The following NAALADL2 variants were observed in gnomAD, a reference collection of about 807,000 sequenced individuals.
NAALADL2 encodes the protein inactive N-acetylated-alpha-linked acidic dipeptidase-like protein 2.
A neutral mutation model predicts 87.2 loss-of-function variants in NAALADL2; 76 were observed. The observed-to-expected ratio is 0.87, with a 90% CI of 0.72 to 1.05. The LOEUF is 1.05. Among genes scored for constraint, NAALADL2 ranks in the 50% least tolerant of loss-of-function variants. The pLI is 0.00. For synonymous variants in NAALADL2, 354 were observed against 331.0 expected, an observed-to-expected ratio of 1.07 and a Z score of -0.75; for missense variants, 1,089 against 945.8, an observed-to-expected ratio of 1.15 and a Z score of -1.99.
intron 9 of NAALADL2, among the ~76,000 whole-genome samples, chr3:175,501,417 C>T (rs895459175): frequency 2.9e-4 from 7 of 24,182 alleles, no homozygotes; most frequent in African/African-American, 1.0e-3. Flanking sequence ...CTTTTCCATA[C>T]GTTTTAGACA....
chr3:174,448,885 A>G (rs1185362368), intron 1 of NAALADL2, among the ~76,000 whole-genome samples: 1 of 152,134 alleles, frequency 6.6e-6, no homozygotes, highest in Admixed American at 6.5e-5. Context: ...CTGTCTGGGA[A>G]GCCTGGGGGT....
At chr3:175,734,556 CA>C (rs1200956040) in intron 11 of NAALADL2, among the ~76,000 whole-genome samples, 1 of 150,790 alleles carries the variant, frequency 6.6e-6, no homozygotes, top group Admixed American at 6.6e-5. Flanking sequence ...GACTCCGTTT[CA>C]AAAAAAGAAA....
At chr3:174,795,096 A>G (rs1717930624) in intron 3 of NAALADL2, among the ~76,000 whole-genome samples, 1 of 149,904 alleles carries the variant, frequency 6.7e-6, no homozygotes, top group African/African-American at 2.5e-5. Flanking sequence ...GGTTCAAACA[A>G]TTCTCCTGCC....
chr3:174,556,267 A>G (rs564979812), intron 2 of NAALADL2, among the ~76,000 whole-genome samples: 190 of 152,224 alleles, frequency 1.2e-3, no homozygotes, highest in African/African-American at 4.4e-3. Context: ...AAATGAGTTT[A>G]CTATCTACTC....
chr3:175,519,911 A>G (rs1732390986), intron 9 of NAALADL2, among the ~76,000 whole-genome samples: 1 of 152,192 alleles, frequency 6.6e-6, no homozygotes, highest in Non-Finnish European at 1.5e-5. Flanking sequence ...ATGACGTCAA[A>G]TTTCAAATCA....
At chr3:174,677,041 TTAA>T (rs749860724) in intron 2 of NAALADL2, among the ~76,000 whole-genome samples, 1 of 151,938 alleles carries the variant, frequency 6.6e-6, no homozygotes, top group Non-Finnish European at 1.5e-5. Flanking sequence ...TTCTCATATT[TTAA>T]TAATATCCTG....
chr3:175,287,744 C>G (rs1016268148), intron 4 of NAALADL2, among the ~76,000 whole-genome samples: 1 of 152,146 alleles, frequency 6.6e-6, no homozygotes, highest in Non-Finnish European at 1.5e-5. Context: ...ATGACAGATT[C>G]ATGAGAAATG....
chr3:175,120,167 A>G (rs879473919), intron 2 of NAALADL2, among the ~76,000 whole-genome samples: 2 of 151,622 alleles, frequency 1.3e-5, no homozygotes, highest in Non-Finnish European at 3.0e-5. Flanking sequence ...AGACTGAGAA[A>G]AAGATGATTT....
chr3:174,490,572 T>G (rs1718123902), intron 1 of NAALADL2, among the ~76,000 whole-genome samples: 3 of 152,116 alleles, frequency 2.0e-5, no homozygotes, highest in Admixed American at 6.6e-5. Context: ...ATAAAGATCT[T>G]TTTTTAAAAA....
At chr3:175,173,564 T>C (rs892103435) in intron 2 of NAALADL2, among the ~76,000 whole-genome samples, 1 of 152,196 alleles carries the variant, frequency 6.6e-6, no homozygotes, top group Non-Finnish European at 1.5e-5. Flanking sequence ...GATTTAATCT[T>C]AAATATGAAC....
intron 6 of NAALADL2, among the ~76,000 whole-genome samples, chr3:175,457,929 T>G (rs1722563458): frequency 6.6e-6 from 1 of 152,108 alleles, no homozygotes; most frequent in African/African-American, 2.4e-5. Flanking sequence ...TATTGAGTCA[T>G]TACTTAATTA....
rs528922649 is a variant in NAALADL2, at chr3:175,378,599, A to G, written c.1090+54274A>G. Reference sequence around the variant, plus strand: ...TATGCAAATTTCTGGAGTACTTTCTATGTGAAGCTCCCACTTCCTTGTACC... The same window carrying G: ...TATGCAAATTTCTGGAGTACTTTCTGTGTGAAGCTCCCACTTCCTTGTACC... On this transcript the variant is annotated intron_variant, in intron 5 of 13. Transcript: ENST00000454872. 7.9e-5 allele frequency among the ~76,000 whole-genome samples: 12 copies of G among 152,260 alleles called. No individual in the cohort carries two copies. In the South Asian group the frequency reaches 2.5e-3, roughly 32 times the overall value.
chr3:175,180,710 T>G (rs1736337970), intron 2 of NAALADL2, among the ~76,000 whole-genome samples: 1 of 150,326 alleles, frequency 6.7e-6, no homozygotes, highest in South Asian at 2.1e-4. Flanking sequence ...TAAATATCAT[T>G]AGTTATTTTA....
intron 2 of NAALADL2, among the ~76,000 whole-genome samples, chr3:174,577,032 G>C (rs939914984): frequency 1.3e-5 from 2 of 151,984 alleles, no homozygotes; most frequent in African/African-American, 4.8e-5. Context: ...CATTTTAGCA[G>C]ATATTAAACG....
chr3:175,469,427 A>G (rs1007590190), intron 8 of NAALADL2, among the ~76,000 whole-genome samples: 1 of 151,994 alleles, frequency 6.6e-6, no homozygotes, highest in Non-Finnish European at 1.5e-5. Flanking sequence ...GACATGTCAT[A>G]TTGCCCCTTT....
chr3:174,833,384 A>G (rs1309287484), intron 3 of NAALADL2, among the ~76,000 whole-genome samples: 1 of 152,112 alleles, frequency 6.6e-6, no homozygotes, highest in Non-Finnish European at 1.5e-5. Context: ...TAACAGCCCT[A>G]TTACAGTTAA....
At chr3:175,777,913 TG>T (rs1159345756) in intron 13 of NAALADL2, among the ~76,000 whole-genome samples, 2 of 152,178 alleles carry the variant, frequency 1.3e-5, no homozygotes, top group Non-Finnish European at 2.9e-5. Context: ...ACAAAGAATT[TG>T]CTTCTCTCAA....
chr3:174,766,241 C>T (rs1713787265), intron 3 of NAALADL2, among the ~76,000 whole-genome samples: 2 of 152,172 alleles, frequency 1.3e-5, no homozygotes, highest in Non-Finnish European at 1.5e-5. Flanking sequence ...TTCCAGAAAT[C>T]AGTCACTGTA....
chr3:174,762,945 A>G (rs1713235077), intron 3 of NAALADL2, among the ~76,000 whole-genome samples: 1 of 152,210 alleles, frequency 6.6e-6, no homozygotes, highest in Admixed American at 6.5e-5. Flanking sequence ...CATAATATGT[A>G]TCATTGACAA....
Sources: gnomAD v4.1 joint callset for allele counts (sites outside exome capture counted in the v4.1 genomes callset) on GRCh38, gnomAD v4.1.1 for gene constraint, MANE v1.5 for transcripts, NCBI Gene and HGNC (gene_info 2026-07-23, HGNC 2026-07-21) for gene names.